The following SLC24A3 variants were observed in gnomAD, a reference collection of about 807,000 sequenced individuals.
SLC24A3 encodes solute carrier family 24 member 3, also known as sodium/potassium/calcium exchanger 3.
In SLC24A3, 28 loss-of-function variants were observed where a neutral mutation model predicts 75.8. That is an observed-to-expected ratio of 0.37 (90% confidence interval 0.27 to 0.51). The LOEUF (loss-of-function observed/expected upper bound fraction) is 0.51. Among genes scored for constraint, SLC24A3 ranks in the 20% least tolerant of loss-of-function variants. The probability of loss-of-function intolerance (pLI) is 0.94; values close to 1 mark genes in which losing one functional copy is unlikely to be tolerated. For synonymous variants in SLC24A3, 372 were observed against 334.1 expected (o/e 1.11, Z -1.24); for missense variants, 663 against 847.8 (o/e 0.78, Z 2.71).
At chr20:19,626,189 A>G (rs1305422343) in intron 6 of SLC24A3, among the ~76,000 whole-genome samples, 1 of 152,218 alleles carries the variant, frequency 6.6e-6, no homozygotes, top group Non-Finnish European at 1.5e-5. Flanking sequence ...CCACATTCCA[A>G]GCTCTATAGT....
intron 2 of SLC24A3, among the ~76,000 whole-genome samples, chr20:19,345,331 G>A (rs146068233): frequency 9.1e-4 from 139 of 152,248 alleles, no homozygotes; most frequent in Non-Finnish European, 1.8e-3. Context: ...TCTTCCCAAC[G>A]TGTTCTATAC....
At chr20:19,542,601 G>C (rs1409389603) in intron 3 of SLC24A3, among the ~76,000 whole-genome samples, 1 of 152,196 alleles carries the variant, frequency 6.6e-6, no homozygotes, top group Non-Finnish European at 1.5e-5. Flanking sequence ...AAATGAAAGA[G>C]AAATGTTTCA....
chr20:19,610,676 A>G (rs1844293395), intron 6 of SLC24A3, among the ~76,000 whole-genome samples: 1 of 152,260 alleles, frequency 6.6e-6, no homozygotes, highest in Non-Finnish European at 1.5e-5. Flanking sequence ...GTTATCAAGC[A>G]GGTCACTGCT....
intron 2 of SLC24A3, among the ~76,000 whole-genome samples, chr20:19,432,196 A>G (rs1352763423): frequency 1.3e-5 from 2 of 151,460 alleles, no homozygotes; most frequent in Non-Finnish European, 2.9e-5. Flanking sequence ...CCAACCCCCA[A>G]TGCGGGTATC....
At chr20:19,705,154 A>G (rs1296684074) in intron 15 of SLC24A3, among the ~76,000 whole-genome samples, 1 of 152,198 alleles carries the variant, frequency 6.6e-6, no homozygotes, top group African/African-American at 2.4e-5. Flanking sequence ...CTTTATATAA[A>G]GAAGTGAAGA....
chr20:19,698,260 G>A (rs1248610609), intron 14 of SLC24A3, among the ~76,000 whole-genome samples: 1 of 152,170 alleles, frequency 6.6e-6, no homozygotes, highest in Non-Finnish European at 1.5e-5. Flanking sequence ...CTCCAACACT[G>A]GGGACTACAA....
At chr20:19,242,628 A>G (rs1982362570) in intron 1 of SLC24A3, 1 of 152,208 alleles carries the variant, frequency 6.6e-6, no homozygotes, top group Admixed American at 6.5e-5. Context: ...CTACAGATAT[A>G]AAATAAACAT....
chr20:19,667,601 G>T (rs2032414971), intron 8 of SLC24A3, among the ~76,000 whole-genome samples: 1 of 152,204 alleles, frequency 6.6e-6, no homozygotes, highest in South Asian at 2.1e-4. Context: ...GTGTGCAGCT[G>T]TTGTGCAGAA....
intron 15 of SLC24A3, among the ~76,000 whole-genome samples, chr20:19,703,114 A>G (rs1226894870): frequency 6.6e-6 from 1 of 152,202 alleles, no homozygotes; most frequent in Admixed American, 6.5e-5. Flanking sequence ...GCATGCTTTA[A>G]TATTCTGCAT....
chr20:19,220,513 C>G (rs6045917), intron 1 of SLC24A3, among the ~76,000 whole-genome samples: 2 of 152,102 alleles, frequency 1.3e-5, no homozygotes, highest in Non-Finnish European at 2.9e-5. Context: ...GATTGGTGAC[C>G]TCAGGAAGTC....
intron 6 of SLC24A3, among the ~76,000 whole-genome samples, chr20:19,637,967 A>C (rs560779721): frequency 1.3e-5 from 2 of 151,998 alleles, no homozygotes; most frequent in South Asian, 4.2e-4. Flanking sequence ...TCTTTTTTTT[A>C]AATTTTATTT....
At chr20:19,582,999 C>T (rs1326002225) in intron 4 of SLC24A3, among the ~76,000 whole-genome samples, 2 of 152,148 alleles carry the variant, frequency 1.3e-5, no homozygotes, top group African/African-American at 4.8e-5. Context: ...GTCTGGAACA[C>T]TACTCACCCC....
intron 2 of SLC24A3, among the ~76,000 whole-genome samples, chr20:19,316,355 G>C (rs1984585690): frequency 6.6e-6 from 1 of 152,110 alleles, no homozygotes; most frequent in South Asian, 2.1e-4. Context: ...GGCTTACCAG[G>C]GTTTACATAA....
chr20:19,484,367 A>G (rs1369730010), intron 2 of SLC24A3, among the ~76,000 whole-genome samples: 1 of 152,214 alleles, frequency 6.6e-6, no homozygotes, highest in African/African-American at 2.4e-5. Flanking sequence ...GCGACCTGTC[A>G]CATGAGGTCA....
chr20:19,604,343 T>G (rs1035169313), intron 6 of SLC24A3, among the ~76,000 whole-genome samples: 1 of 151,992 alleles, frequency 6.6e-6, no homozygotes, highest in Non-Finnish European at 1.5e-5. Context: ...GGAGGAGCCA[T>G]GTGAAGACCT....
intron 1 of SLC24A3, among the ~76,000 whole-genome samples, chr20:19,224,401 A>G (rs1345625618): frequency 6.6e-6 from 1 of 152,170 alleles, no homozygotes; most frequent in Admixed American, 6.5e-5. Context: ...ATTTCTTGCA[A>G]TTTGGGGCAG....
chr20:19,415,477 A>T (rs1986811039), intron 2 of SLC24A3, among the ~76,000 whole-genome samples: 1 of 152,212 alleles, frequency 6.6e-6, no homozygotes, highest in Admixed American at 6.5e-5. Flanking sequence ...AACTGCTTCC[A>T]GCCATACCAT....
chr20:19,250,073 G>A (rs985159492), intron 1 of SLC24A3, among the ~76,000 whole-genome samples: 25 of 152,216 alleles, frequency 1.6e-4, no homozygotes, highest in Non-Finnish European at 3.7e-4. Flanking sequence ...GCAGGGGTCA[G>A]CAGTCATTCA....
chr20:19,251,107 C>T (rs1982641941), intron 1 of SLC24A3, among the ~76,000 whole-genome samples: 2 of 152,200 alleles, frequency 1.3e-5, no homozygotes, highest in African/African-American at 4.8e-5. Flanking sequence ...TTCAACCTGA[C>T]TTTTGTCATG....
Sources: allele counts gnomAD v4.1 joint callset (sites outside exome capture counted in the v4.1 genomes callset), GRCh38; gene constraint gnomAD v4.1.1; transcripts MANE v1.5; gene names NCBI Gene and HGNC (gene_info 2026-07-23, HGNC 2026-07-21).